The following MGAT4C variants were observed in gnomAD, a reference collection of about 807,000 sequenced individuals.
The protein encoded by MGAT4C is alpha-1,3-mannosyl-glycoprotein 4-beta-N-acetylglucosaminyltransferase C.
A neutral mutation model predicts 40.1 loss-of-function variants in MGAT4C; 19 were observed. The observed-to-expected ratio is 0.47, with a 90% CI of 0.33 to 0.70. The LOEUF is 0.70. MGAT4C is among the 30% of genes least tolerant of loss of function. MGAT4C has a pLI of 0.02. For missense variants in MGAT4C, 491 were observed against 563.2 expected, an observed-to-expected ratio of 0.87 and a Z score of 1.30; for synonymous variants, 181 against 187.1, an observed-to-expected ratio of 0.97 and a Z score of 0.27.
At chr12:86,734,801 G>A (rs1476768616) in intron 1 of MGAT4C, among the ~76,000 whole-genome samples, 2 of 152,032 alleles carry the variant, frequency 1.3e-5, no homozygotes, top group Non-Finnish European at 2.9e-5. Flanking sequence ...CTATTATACA[G>A]TAGCCTGAAC....
intron 2 of MGAT4C, among the ~76,000 whole-genome samples, chr12:86,724,178 A>G (rs2136648319): frequency 6.6e-6 from 1 of 152,208 alleles, no homozygotes; most frequent in African/African-American, 2.4e-5. Context: ...TTTAAAATTC[A>G]TTATTAATTA....
intron 1 of MGAT4C, among the ~76,000 whole-genome samples, chr12:86,755,015 C>T (rs1208571809): frequency 6.6e-6 from 1 of 152,014 alleles, no homozygotes; most frequent in Non-Finnish European, 1.5e-5. Flanking sequence ...CTGGGTTAGG[C>T]TATAGTAGTC....
intron 1 of MGAT4C, among the ~76,000 whole-genome samples, chr12:86,764,526 C>A (rs1247723140): frequency 1.6e-5 from 2 of 125,270 alleles, no homozygotes; most frequent in African/African-American, 2.9e-5. Flanking sequence ...TCTCCCAGCA[C>A]GCAGCTGGAG....
At chr12:86,134,588 GA>G (rs1395212907) in intron 1 of MGAT4C, among the ~76,000 whole-genome samples, 1 of 151,992 alleles carries the variant, frequency 6.6e-6, no homozygotes, top group African/African-American at 2.4e-5. Flanking sequence ...CCTCACTAAT[GA>G]AACCAGTAAT....
At chr12:86,516,188 T>C (rs1056657293) in intron 2 of MGAT4C, among the ~76,000 whole-genome samples, 1 of 152,102 alleles carries the variant, frequency 6.6e-6, no homozygotes, top group Non-Finnish European at 1.5e-5. Flanking sequence ...AAATTCATAC[T>C]ACATGATTTA....
chr12:86,347,828 G>C (rs1955073208), intron 3 of MGAT4C, among the ~76,000 whole-genome samples: 1 of 151,394 alleles, frequency 6.6e-6, no homozygotes, highest in African/African-American at 2.4e-5. Context: ...AAGTAAAATT[G>C]TTATTTTAAC....
intron 2 of MGAT4C, among the ~76,000 whole-genome samples, chr12:86,609,902 T>C (rs1962188452): frequency 6.6e-6 from 1 of 152,148 alleles, no homozygotes; most frequent in Non-Finnish European, 1.5e-5. Context: ...CCTCCAACTT[T>C]GACACTGCTT....
chr12:86,360,982 C>G (rs1955451427), intron 3 of MGAT4C, among the ~76,000 whole-genome samples: 1 of 152,098 alleles, frequency 6.6e-6, no homozygotes, highest in Non-Finnish European at 1.5e-5. Flanking sequence ...ATTGGAAAAA[C>G]TACTTTAAAA....
chr12:86,094,144 T>C (rs916386188), intron 1 of MGAT4C, among the ~76,000 whole-genome samples: 2 of 152,068 alleles, frequency 1.3e-5, no homozygotes, highest in Non-Finnish European at 2.9e-5. Context: ...TGAAATATTG[T>C]GTGAATCATG....
chr12:86,686,133 C>G (rs1019607544), intron 2 of MGAT4C, among the ~76,000 whole-genome samples: 1 of 151,946 alleles, frequency 6.6e-6, no homozygotes, highest in Non-Finnish European at 1.5e-5. Context: ...CCCGTCTCAG[C>G]CTCCCAAAGT....
chr12:86,342,825 T>G (rs1180180313), intron 3 of MGAT4C, among the ~76,000 whole-genome samples: 1 of 152,194 alleles, frequency 6.6e-6, no homozygotes, highest in African/African-American at 2.4e-5. Flanking sequence ...ACTTGGCAGT[T>G]AGCCATGCCT....
At chr12:86,304,365 A>G (rs1487344641) in intron 4 of MGAT4C, among the ~76,000 whole-genome samples, 1 of 150,600 alleles carries the variant, frequency 6.6e-6, no homozygotes, top group African/African-American at 2.5e-5. Context: ...GCTTGAAGGA[A>G]ACAATCATTT....
intron 3 of MGAT4C, among the ~76,000 whole-genome samples, chr12:86,411,240 G>A (rs1350137500): frequency 6.6e-6 from 1 of 152,160 alleles, no homozygotes; most frequent in Non-Finnish European, 1.5e-5. Flanking sequence ...ATGGACAGAG[G>A]TTGGAACAGT....
intron 4 of MGAT4C, among the ~76,000 whole-genome samples, chr12:86,321,506 T>G (rs1281166144): frequency 1.3e-5 from 2 of 152,150 alleles, no homozygotes; most frequent in African/African-American, 4.8e-5. Context: ...TGTTTTAATT[T>G]TAAGAGCTAA....
At chr12:86,814,433 G>A (rs1952560063) in intron 1 of MGAT4C, among the ~76,000 whole-genome samples, 2 of 146,632 alleles carry the variant, frequency 1.4e-5, no homozygotes, top group South Asian at 2.1e-4. Flanking sequence ...TGAAAGGCAT[G>A]TTCTTTCAGC....
intron 1 of MGAT4C, among the ~76,000 whole-genome samples, chr12:86,227,624 C>G (rs373898842): frequency 1.4e-3 from 209 of 151,984 alleles, no homozygotes; most frequent in Middle Eastern, 3.4e-3. Flanking sequence ...ATATATTGCC[C>G]TAATTGCCTT....
At chr12:86,688,012 T>C (rs894198065) in intron 2 of MGAT4C, among the ~76,000 whole-genome samples, 1 of 152,196 alleles carries the variant, frequency 6.6e-6, no homozygotes, top group African/African-American at 2.4e-5. Context: ...TGAATCTGGG[T>C]GCTCCTGTAC....
At chr12:86,591,440 C>T (rs1961326638) in intron 2 of MGAT4C, among the ~76,000 whole-genome samples, 1 of 151,880 alleles carries the variant, frequency 6.6e-6, no homozygotes, top group South Asian at 2.1e-4. Flanking sequence ...GAATAAAATA[C>T]ATTTTAGTTT....
intron 2 of MGAT4C, among the ~76,000 whole-genome samples, chr12:86,516,843 CATTAT>C (rs1291582924): frequency 6.6e-6 from 1 of 152,058 alleles, no homozygotes; most frequent in Non-Finnish European, 1.5e-5. Flanking sequence ...TCTGTCTACC[CATTAT>C]AATAGCTTAA....
Sources: allele counts gnomAD v4.1 joint callset (sites outside exome capture counted in the v4.1 genomes callset), GRCh38; gene constraint gnomAD v4.1.1; transcripts MANE v1.5; gene names NCBI Gene and HGNC (gene_info 2026-07-23, HGNC 2026-07-21).